SGMS2: variants seen among roughly 807,000 people sequenced by gnomAD.
SGMS2 encodes the protein sphingomyelin synthase 2.
Under a neutral mutation model 43.8 loss-of-function variants are expected in SGMS2, and 21 were observed. The ratio of observed to expected loss-of-function variants is 0.48; its 90% CI spans 0.34 to 0.69. SGMS2 has a LOEUF of 0.69. Among genes scored for constraint, SGMS2 ranks in the 30% least tolerant of loss-of-function variants. SGMS2 has a pLI of 0.01. For missense variants in SGMS2, 384 were observed against 443.2 expected, an observed-to-expected ratio of 0.87 and a Z score of 1.20; for synonymous variants, 167 against 160.6, an observed-to-expected ratio of 1.04 and a Z score of -0.30.
At chr4:107,840,023 G>A (rs1315286832) in intron 1 of SGMS2, among the ~76,000 whole-genome samples, 4 of 152,144 alleles carry the variant, frequency 2.6e-5, no homozygotes, top group African/African-American at 9.7e-5. Flanking sequence ...AGGTTTGGAT[G>A]TTAAATTATA....
chr4:107,886,744 A>G (rs935352497), intron 2 of SGMS2: 3 of 152,172 alleles, frequency 2.0e-5, no homozygotes, highest in Non-Finnish European at 2.9e-5. Flanking sequence ...TATTGGCTCC[A>G]TAAGTCAAGT....
intron 2 of SGMS2, among the ~76,000 whole-genome samples, chr4:107,866,056 C>T (rs1018057300): frequency 5.3e-5 from 8 of 152,186 alleles, no homozygotes; most frequent in Non-Finnish European, 1.0e-4. Flanking sequence ...TAATTCTCAT[C>T]AAGTGGCAGA....
At chr4:107,900,079 ATT>A (rs1405794468) in intron 4 of SGMS2, among the ~76,000 whole-genome samples, 1 of 152,052 alleles carries the variant, frequency 6.6e-6, no homozygotes, top group Non-Finnish European at 1.5e-5. Context: ...CAAATTCATA[ATT>A]TGTCACATGC....
chr4:107,862,601 T>G (rs1477399453), intron 2 of SGMS2, among the ~76,000 whole-genome samples: 1 of 152,178 alleles, frequency 6.6e-6, no homozygotes, highest in African/African-American at 2.4e-5. Context: ...AAGGACCTGT[T>G]TATTCTGTGT....
intron 2 of SGMS2, among the ~76,000 whole-genome samples, chr4:107,883,041 A>G (rs2126087914): frequency 6.6e-6 from 1 of 152,288 alleles, no homozygotes; most frequent in African/African-American, 2.4e-5. Flanking sequence ...CATTTAATAT[A>G]TCTTAAACAC....
intron 2 of SGMS2, among the ~76,000 whole-genome samples, chr4:107,881,348 A>G (rs1001595510): frequency 7.2e-5 from 11 of 152,176 alleles, no homozygotes; most frequent in African/African-American, 2.4e-4. Context: ...TACTAGAGGC[A>G]GTGGTATACC....
chr4:107,858,892 A>C (rs1257759748), intron 2 of SGMS2, among the ~76,000 whole-genome samples: 2 of 152,218 alleles, frequency 1.3e-5, no homozygotes, highest in Non-Finnish European at 2.9e-5. Context: ...CACTCAATTA[A>C]CTGTCTCAAC....
chr4:107,869,673 T>TG (rs961351457), intron 2 of SGMS2, among the ~76,000 whole-genome samples: 3 of 152,046 alleles, frequency 2.0e-5, no homozygotes, highest in Non-Finnish European at 4.4e-5. Context: ...AGGGTCATGT[T>TG]GGGGAAAAAA....
rs907088608 is a variant in SGMS2, at chr4:107,899,696, A to G, written c.573+4A>G. The G allele has an allele frequency of 1.3e-6, 2 of 1,596,222 alleles. No homozygotes were observed. The highest frequency in any genetic ancestry group is 2.7e-5 in the African/African-American group (2 of 74,308). On this transcript the variant is annotated splice_donor_region_variant and intron_variant, in intron 4 of 6. Transcript: ENST00000690982. ...GCATTTCCAGTGTGCTCCAAAGGTCAGTACCTCCAAACTGCCACTTAGAAG... is the reference window on the plus strand; with the variant it reads ...GCATTTCCAGTGTGCTCCAAAGGTCGGTACCTCCAAACTGCCACTTAGAAG...
intron 3 of SGMS2, among the ~76,000 whole-genome samples, chr4:107,896,225 C>T (rs1198003822): frequency 6.6e-6 from 1 of 152,146 alleles, no homozygotes; most frequent in Non-Finnish European, 1.5e-5. Flanking sequence ...TGGCAGTGTA[C>T]AGCAGTACTG....
chr4:107,895,940 T>A lies in SGMS2; in HGVS notation c.387T>A (p.Ser129=). The A allele has an allele frequency of 6.2e-7, 1 of 1,613,994 alleles. No homozygotes were observed. The highest frequency in any genetic ancestry group is 8.5e-7 in the Non-Finnish European group (1 of 1,179,924). Residue 129 remains serine, a synonymous_variant, in exon 3 of 7, where the codon TCT becomes TCA. Transcript: ENST00000690982. Reference sequence around the variant, plus strand: ...TTGATAGGGTGAAATGGGCATTTTCTGTATCAGAAATAAATGGGATTATAT... The same window carrying A: ...TTGATAGGGTGAAATGGGCATTTTCAGTATCAGAAATAAATGGGATTATAT... The part of the protein sequence containing the change: ...DYIDRVKWAF[S]VSEINGIILV...
At chr4:107,897,565 GTCT>G in intron 3 of SGMS2, among the ~76,000 whole-genome samples, 1 of 152,150 alleles carries the variant, frequency 6.6e-6, no homozygotes, top group Non-Finnish European at 1.5e-5. Flanking sequence ...CTGAAGTACA[GTCT>G]TTCCCTCAAT....
intron 3 of SGMS2, among the ~76,000 whole-genome samples, chr4:107,897,309 A>G (rs1468444385): frequency 6.6e-6 from 1 of 152,216 alleles, no homozygotes; most frequent in Non-Finnish European, 1.5e-5. Context: ...AGACTTAGCT[A>G]TGAGTTGTCT....
intron 1 of SGMS2, among the ~76,000 whole-genome samples, chr4:107,827,053 A>C: frequency 6.6e-6 from 1 of 152,230 alleles, no homozygotes; most frequent in Non-Finnish European, 1.5e-5. Context: ...TAGGGGAAAA[A>C]TAGAAATAAT....
chr4:107,843,020 G>T (rs1726611561), intron 1 of SGMS2, among the ~76,000 whole-genome samples: 1 of 152,166 alleles, frequency 6.6e-6, no homozygotes, highest in African/African-American at 2.4e-5. Context: ...ATTTGCACAA[G>T]CAACTGAGCC....
chr4:107,847,078 A>G (rs1488213945), intron 1 of SGMS2, among the ~76,000 whole-genome samples: 2 of 151,570 alleles, frequency 1.3e-5, no homozygotes, highest in African/African-American at 4.8e-5. Flanking sequence ...GTTCACTCTG[A>G]TGGTAGTTTC....
chr4:107,868,610 C>G (rs759595347), intron 2 of SGMS2, among the ~76,000 whole-genome samples: 1 of 151,882 alleles, frequency 6.6e-6, no homozygotes, highest in Non-Finnish European at 1.5e-5. Context: ...CCTAGCTACT[C>G]GGGAGGCTGA....
chr4:107,881,513 G>A (rs575954372), intron 2 of SGMS2, among the ~76,000 whole-genome samples: 150 of 151,912 alleles, frequency 9.9e-4, no homozygotes, highest in African/African-American at 3.2e-3. Context: ...TATGGGGTAC[G>A]TGAGATATTC....
chr4:107,893,613 T>C (rs1165436291), intron 2 of SGMS2: 3 of 152,310 alleles, frequency 2.0e-5, no homozygotes, highest in Non-Finnish European at 4.4e-5. Flanking sequence ...CTCATCCTGC[T>C]GTAATGTATT....
Sources: gnomAD v4.1 joint callset for allele counts (sites outside exome capture counted in the v4.1 genomes callset) on GRCh38, gnomAD v4.1.1 for gene constraint, MANE v1.5 for transcripts, NCBI Gene and HGNC (gene_info 2026-07-23, HGNC 2026-07-21) for gene names.